Variants in ANK2 observed in about 807,000 individuals in gnomAD.
The protein encoded by ANK2 is ankyrin 2.
In ANK2, 83 loss-of-function variants were observed where a neutral mutation model predicts 360.5. That is an observed-to-expected ratio of 0.23 (90% confidence interval 0.19 to 0.28). The LOEUF (loss-of-function observed/expected upper bound fraction) is 0.28. Ranked by LOEUF, ANK2 falls within the 10% of genes least tolerant of loss-of-function variation. The probability of loss-of-function intolerance (pLI) is 1.00; values close to 1 mark genes in which losing one functional copy is unlikely to be tolerated. For synonymous variants in ANK2, 1,740 were observed against 1,759.5 expected (o/e 0.99, Z 0.28); for missense variants, 4,201 against 4,795.7 (o/e 0.88, Z 3.66).
the ANK2 span, among the ~76,000 whole-genome samples, chr4:112,739,841 A>T: frequency 6.6e-6 from 1 of 152,024 alleles, no homozygotes; most frequent in African/African-American, 2.4e-5. Context: ...GCGAAAACCC[A>T]TCTCTATTAA....
the ANK2 span, among the ~76,000 whole-genome samples, chr4:112,711,974 C>T: frequency 6.6e-6 from 1 of 150,612 alleles, no homozygotes; most frequent in Non-Finnish European, 1.5e-5. Context: ...TGTGCCACTG[C>T]ACCTAGCAGT....
chr4:112,988,760 G>A (rs1177508549), intron 2 of ANK2, among the ~76,000 whole-genome samples: 2 of 152,148 alleles, frequency 1.3e-5, no homozygotes, highest in Non-Finnish European at 2.9e-5. Flanking sequence ...TTAGGTAATT[G>A]GAAAAGGTAA....
chr4:113,046,898 A>C (rs1579944349), upstream of ANK2, among the ~76,000 whole-genome samples: 1 of 152,152 alleles, frequency 6.6e-6, no homozygotes, highest in African/African-American at 2.4e-5. Flanking sequence ...TAATTCATAA[A>C]CTGTTGAAAT....
intron 4 of ANK2, among the ~76,000 whole-genome samples, chr4:113,209,036 T>C (rs1048915201): frequency 2.0e-5 from 3 of 151,784 alleles, no homozygotes; most frequent in Non-Finnish European, 4.4e-5. Context: ...GAAAGGCAGA[T>C]TAATAGGAGA....
At chr4:112,775,604 T>C in the ANK2 span, among the ~76,000 whole-genome samples, 1 of 151,326 alleles carries the variant, frequency 6.6e-6, no homozygotes, top group East Asian at 1.9e-4. Context: ...GAGTGTTGGG[T>C]ATCGTTAACT....
At chr4:112,893,512 TTTTA>T (rs2080792160) in intron 1 of ANK2, among the ~76,000 whole-genome samples, 1 of 152,192 alleles carries the variant, frequency 6.6e-6, no homozygotes, top group Non-Finnish European at 1.5e-5. Context: ...TTGACATTAC[TTTTA>T]ATGGCAAAAC....
chr4:113,352,959 C>G, intron 37 of ANK2, 86 bp from the exon 38 acceptor site: 1 of 1,481,122 alleles, frequency 6.8e-7, no homozygotes, highest in Non-Finnish European at 9.2e-7. Flanking sequence ...CAGGAAAAGA[C>G]GCTGTGTCGT....
intron 2 of ANK2, among the ~76,000 whole-genome samples, chr4:113,188,901 C>T (rs2098599657): frequency 6.6e-6 from 1 of 152,128 alleles, no homozygotes; most frequent in Non-Finnish European, 1.5e-5. Flanking sequence ...TGTAGAGTAC[C>T]TGGGTGAATT....
chr4:113,333,298 A>ATGTGTG lies in ANK2; in HGVS notation c.3379+118_3379+123dup, dbSNP rs60929199. ...TCTTATGACCTAGGGGTGTGTGTATATGTGTGTGTGTGTGTGTGTGTGTGT... is the reference window on the plus strand; with the variant it reads ...TCTTATGACCTAGGGGTGTGTGTATATGTGTGTGTGTGTGTGTGTGTGTGTGTGTGT... On this transcript the variant is annotated intron_variant, in intron 29 of 45. Coordinates refer to ENST00000357077, the MANE Select transcript of ANK2 (RefSeq NM_001148.6). 3,844 of 1,163,178 alleles carry ATGTGTG rather than the reference A, an allele frequency of 3.3e-3. 80 individuals carry two copies. The African/African-American group carries it at 0.053, about 16-fold the overall frequency. The allele number at this position is 1,163,178 out of a possible 1,614,324, so 72.1% of individuals were successfully genotyped here.
At chr4:112,784,350 A>ATTTTTTTTTTTTTTTTTTTTTTTTT in the ANK2 span, among the ~76,000 whole-genome samples, 1 of 69,522 alleles carries the variant, frequency 1.4e-5, no homozygotes. Context: ...ACCCTGACTG[A>ATTTTTTTTTTTTTTTTTTTTTTTTT]TTTTTTTTTT....
At position 113,174,470 on chromosome 4, in the gene ANK2, G is replaced by A. The variant is rs1388701783; in HGVS notation, c.139G>A (p.Val47Ile). The change falls in exon 2 of 46, where the codon GTT becomes ATT. Residue 47 changes from valine (V) to isoleucine (I), a missense_variant. Physicochemically the swap from Val to Ile is conservative, Grantham distance 29. Around this residue, in one of 4 missense-constraint regions of ANK2, gnomAD observed 169 missense variants for 191.1 expected, o/e 0.88. Coordinates refer to ENST00000357077, the MANE Select transcript of ANK2 (RefSeq NM_001148.6). ...RAARAGNLDKVVEYLKGGIDI... is the reference protein window; with the variant it reads ...RAARAGNLDKIVEYLKGGIDI... ...TGCCAGAGCAGGCAACCTGGACAAA[G>A]TTGTGGAATATCTGAAGGGGGGCAT... 2 of 1,613,340 alleles carry A rather than the reference G, an allele frequency of 1.2e-6. No homozygotes were observed. The highest frequency in any genetic ancestry group is 1.1e-5 in the South Asian group (1 of 90,936).
the ANK2 span, among the ~76,000 whole-genome samples, chr4:112,764,377 C>T: frequency 6.6e-6 from 1 of 151,870 alleles, no homozygotes; most frequent in Admixed American, 6.6e-5. Flanking sequence ...TTCTTGTTGT[C>T]CAGGCTGGAA....
chr4:112,833,060 C>T (rs981004523), intron 1 of ANK2, among the ~76,000 whole-genome samples: 2 of 152,208 alleles, frequency 1.3e-5, no homozygotes, highest in African/African-American at 4.8e-5. Context: ...TTCGTTTGGA[C>T]ATGGGACAGT....
chr4:112,715,909 C>T, the ANK2 span, among the ~76,000 whole-genome samples: 9,968 of 152,032 alleles, frequency 0.066, 489 homozygotes, highest in African/African-American at 0.13. Flanking sequence ...GGCAACAAAG[C>T]GAGACTCCCA....
chr4:113,073,777 G>A (rs1417081203), intron 1 of ANK2, among the ~76,000 whole-genome samples: 1 of 152,286 alleles, frequency 6.6e-6, no homozygotes, highest in African/African-American at 2.4e-5. Flanking sequence ...GCCACGCCAC[G>A]GAAACACCTC....
At chr4:112,833,021 A>G (rs1238037295) in intron 1 of ANK2, among the ~76,000 whole-genome samples, 1 of 152,190 alleles carries the variant, frequency 6.6e-6, no homozygotes, top group Non-Finnish European at 1.5e-5. Context: ...ACAGAAAGTG[A>G]TCTGTAGCAG....
intron 1 of ANK2, among the ~76,000 whole-genome samples, chr4:113,053,920 T>A (rs1336265058): frequency 6.6e-6 from 1 of 152,204 alleles, no homozygotes; most frequent in Non-Finnish European, 1.5e-5. Flanking sequence ...TTTGACAGAT[T>A]AGATTAAAAT....
chr4:112,929,701 T>C (rs1368467691), intron 2 of ANK2, among the ~76,000 whole-genome samples: 1 of 152,170 alleles, frequency 6.6e-6, no homozygotes, highest in East Asian at 1.9e-4. Flanking sequence ...TTACAATGAG[T>C]GATTGTTCTT....
chr4:113,299,218 AACTGAG>A (rs1685016446), intron 22 of ANK2, among the ~76,000 whole-genome samples: 1 of 152,212 alleles, frequency 6.6e-6, no homozygotes, highest in Non-Finnish European at 1.5e-5. Context: ...TGAAAATAGA[AACTGAG>A]ACTATCAGGC....
Sources: gnomAD v4.1 joint callset for allele counts (sites outside exome capture counted in the v4.1 genomes callset) on GRCh38, gnomAD v4.1.1 for gene constraint, gnomAD v4.1.1 regional missense constraint, MANE v1.5 for transcripts, NCBI Gene and HGNC (gene_info 2026-07-23, HGNC 2026-07-21) for gene names.